The following SUPT3H variants were observed in gnomAD, a reference collection of about 807,000 sequenced individuals.
SUPT3H encodes the protein SPT3 homolog, SAGA and STAGA complex component, also known as transcription initiation protein SPT3 homolog.
A neutral mutation model predicts 44.3 loss-of-function variants in SUPT3H; 44 were observed. That is an observed-to-expected ratio of 0.99 (90% confidence interval 0.78 to 1.28). The LOEUF is 1.28. Ranked by LOEUF, SUPT3H falls within the 50% of genes most tolerant of loss-of-function variation. The pLI is 0.00. For synonymous variants in SUPT3H, 124 were observed against 125.6 expected, an observed-to-expected ratio of 0.99 and a Z score of 0.09; for missense variants, 380 against 387.1, an observed-to-expected ratio of 0.98 and a Z score of 0.15.
intron 3 of SUPT3H, among the ~76,000 whole-genome samples, chr6:45,075,192 T>C (rs1189322810): frequency 6.6e-6 from 1 of 152,136 alleles, no homozygotes; most frequent in Non-Finnish European, 1.5e-5. Context: ...TTATAGTATT[T>C]TGAAAATTAT....
At chr6:45,179,266 C>A (rs1404313466) in intron 2 of SUPT3H, among the ~76,000 whole-genome samples, 1 of 152,122 alleles carries the variant, frequency 6.6e-6, no homozygotes, top group Admixed American at 6.5e-5. Context: ...AGTCCAGGAC[C>A]AGATGGATTC....
intron 10 of SUPT3H, among the ~76,000 whole-genome samples, chr6:44,905,883 A>G (rs1765961838): frequency 6.6e-6 from 1 of 152,210 alleles, no homozygotes; most frequent in Admixed American, 6.5e-5. Flanking sequence ...AGGGACATGG[A>G]TGAAGCTGGA....
At chr6:44,954,174 A>C (rs1021523375) in intron 8 of SUPT3H, among the ~76,000 whole-genome samples, 2 of 152,184 alleles carry the variant, frequency 1.3e-5, no homozygotes, top group Non-Finnish European at 2.9e-5. Context: ...ACATACGTAG[A>C]AAGGTGTTTT....
At chr6:45,155,279 G>A (rs1029958450) in intron 2 of SUPT3H, among the ~76,000 whole-genome samples, 15 of 152,140 alleles carry the variant, frequency 9.9e-5, no homozygotes, top group African/African-American at 3.4e-4. Flanking sequence ...AAGATGTCAA[G>A]AGGCAAGGAA....
At chr6:45,046,328 T>G (rs190369682) in intron 3 of SUPT3H, among the ~76,000 whole-genome samples, 23 of 152,222 alleles carry the variant, frequency 1.5e-4, no homozygotes, top group South Asian at 4.2e-4. Flanking sequence ...GCTTGTTTTT[T>G]TTTGTTTGTT....
intron 2 of SUPT3H, among the ~76,000 whole-genome samples, chr6:45,267,777 C>G (rs1160537448): frequency 6.6e-6 from 1 of 152,082 alleles, no homozygotes; most frequent in African/African-American, 2.4e-5. Flanking sequence ...TTAAGAGGCC[C>G]TCTGGAGACA....
At chr6:45,070,574 T>C (rs1487726466) in intron 3 of SUPT3H, among the ~76,000 whole-genome samples, 2 of 151,394 alleles carry the variant, frequency 1.3e-5, no homozygotes, top group African/African-American at 2.4e-5. Context: ...ACCCCGTCTC[T>C]ACTAAAAATA....
At chr6:44,864,340 C>G (rs1053440805) in intron 10 of SUPT3H, among the ~76,000 whole-genome samples, 12 of 152,194 alleles carry the variant, frequency 7.9e-5, no homozygotes, top group Admixed American at 7.9e-4. Context: ...GTCAGTGGAT[C>G]TACCATTCTG....
downstream of SUPT3H, among the ~76,000 whole-genome samples, chr6:44,825,685 C>G (rs2153406932): frequency 6.6e-6 from 1 of 152,234 alleles, no homozygotes; most frequent in South Asian, 2.1e-4. Flanking sequence ...TATGTCATAG[C>G]TTATTAAAAT....
Position 45,157,960 on chromosome 6 carries a change from G to A in SUPT3H, c.102-51954C>T, listed in dbSNP as rs1313646272. On this transcript the variant is annotated intron_variant, in intron 2 of 10. Coordinates refer to ENST00000371459, the MANE Select transcript of SUPT3H (RefSeq NM_003599.4). The stretch of plus-strand genomic sequence containing the variant: ...CTATATATCTAAACTTATAATTTCT[G>A]TAATTATAGTAATTATTAATAATAC... Among the ~76,000 whole-genome samples the A allele has an allele frequency of 2.0e-5, 3 of 150,474 alleles. No homozygotes were observed. The Admixed American group carries it at 2.0e-4, about 10-fold the overall frequency.
chr6:44,979,722 G>A (rs539622522), intron 6 of SUPT3H, among the ~76,000 whole-genome samples: 3 of 152,144 alleles, frequency 2.0e-5, no homozygotes, highest in East Asian at 1.9e-4. Flanking sequence ...AAAAAAGTTC[G>A]TTTTACATCT....
intron 2 of SUPT3H, among the ~76,000 whole-genome samples, chr6:45,251,381 T>C (rs1259429814): frequency 6.9e-6 from 1 of 143,992 alleles, no homozygotes; most frequent in Non-Finnish European, 1.5e-5. Flanking sequence ...TCTAAATGAC[T>C]AAGAAGAGAA....
intron 2 of SUPT3H, among the ~76,000 whole-genome samples, chr6:45,276,222 C>T (rs114377109): frequency 0.028 from 4,275 of 152,176 alleles, 98 homozygotes; most frequent in Non-Finnish European, 0.042. Context: ...TAAACACACT[C>T]TGCAGACATA....
intron 2 of SUPT3H, among the ~76,000 whole-genome samples, chr6:45,312,400 A>C (rs1784084499): frequency 6.6e-6 from 1 of 151,896 alleles, no homozygotes; most frequent in African/African-American, 2.4e-5. Context: ...CTGTAGTCCC[A>C]GCTACTCAGG....
intron 10 of SUPT3H, among the ~76,000 whole-genome samples, chr6:44,839,150 TA>T (rs1342878716): frequency 2.6e-5 from 4 of 152,110 alleles, no homozygotes; most frequent in African/African-American, 9.7e-5. Flanking sequence ...TTATTCTAAT[TA>T]ATTCTAAAAG....
intron 2 of SUPT3H, among the ~76,000 whole-genome samples, chr6:45,201,944 T>C (rs1312586249): frequency 1.3e-5 from 2 of 152,086 alleles, no homozygotes; most frequent in East Asian, 1.9e-4. Context: ...TTTCAAATTA[T>C]GTTAACATGT....
At chr6:45,179,649 G>A (rs975144758) in intron 2 of SUPT3H, among the ~76,000 whole-genome samples, 3 of 152,290 alleles carry the variant, frequency 2.0e-5, no homozygotes, top group Admixed American at 6.5e-5. Flanking sequence ...CTCAATAGAT[G>A]CAGAAAAGGC....
chr6:45,173,868 C>A (rs1051508951), intron 2 of SUPT3H, among the ~76,000 whole-genome samples: 4 of 152,192 alleles, frequency 2.6e-5, no homozygotes, highest in Non-Finnish European at 5.9e-5. Flanking sequence ...ATAATCAAAA[C>A]AATTTTACAG....
intron 3 of SUPT3H, among the ~76,000 whole-genome samples, chr6:45,087,784 T>A (rs1796655827): frequency 6.6e-6 from 1 of 151,922 alleles, no homozygotes; most frequent in Non-Finnish European, 1.5e-5. Flanking sequence ...AAACTCCACA[T>A]TACTATGTAC....
Sources: allele counts gnomAD v4.1 joint callset (sites outside exome capture counted in the v4.1 genomes callset), GRCh38; gene constraint gnomAD v4.1.1; transcripts MANE v1.5; gene names NCBI Gene and HGNC (gene_info 2026-07-23, HGNC 2026-07-21).